The following DCDC1 variants were observed in gnomAD, a reference collection of about 807,000 sequenced individuals.
DCDC1 encodes the protein doublecortin domain-containing protein 1.
DCDC1 carries 200 observed loss-of-function variants against 178.3 expected under a neutral mutation model. That is an observed-to-expected ratio of 1.12 (90% confidence interval 1.00 to 1.26). The LOEUF (loss-of-function observed/expected upper bound fraction) is 1.26. Among genes scored for constraint, DCDC1 ranks in the 50% most tolerant of loss-of-function variants. The pLI is 0.00. For missense variants in DCDC1, 1,983 were observed against 1,749.2 expected, an observed-to-expected ratio of 1.13 and a Z score of -2.38; for synonymous variants, 690 against 604.8, an observed-to-expected ratio of 1.14 and a Z score of -2.07.
chr11:30,877,612 A>C (rs2133955514), intron 38 of DCDC1, among the ~76,000 whole-genome samples: 1 of 152,274 alleles, frequency 6.6e-6, no homozygotes, highest in Non-Finnish European at 1.5e-5. Flanking sequence ...ACTTTTGATC[A>C]CTGGGCACAT....
intron 9 of DCDC1, among the ~76,000 whole-genome samples, chr11:31,208,442 C>G (rs1345688094): frequency 6.6e-6 from 1 of 152,116 alleles, no homozygotes; most frequent in Non-Finnish European, 1.5e-5. Context: ...AGAGTTCATG[C>G]AAATCAACTT....
At position 31,065,055 on chromosome 11, in the gene DCDC1, T is replaced by G; in HGVS notation, c.2397A>C (p.Thr799=). 1.3e-6 allele frequency: 1 copy of G among 765,060 alleles called. No homozygotes were observed. 47.4% of individuals were successfully genotyped at this position (765,060 alleles called of 1,614,324 possible). A position where few individuals can be genotyped will look rare whatever the true frequency, so the allele number is the denominator to read the frequency against. The change falls in exon 19 of 39, where the codon ACA becomes ACC. Residue 799 remains threonine, a synonymous_variant. Coordinates refer to ENST00000684477, the MANE Select transcript of DCDC1 (RefSeq NM_001387274.1). ...EYHIHHGAWT[T]AHQEHGRNLA... ...AGTTTCTGCCATGTTCCTGATGAGC[T>G]GTGGTCCAGGCACCATGGTGAATGT...
intron 9 of DCDC1, among the ~76,000 whole-genome samples, chr11:31,195,312 C>A (rs953789282): frequency 6.6e-6 from 1 of 152,114 alleles, no homozygotes; most frequent in Non-Finnish European, 1.5e-5. Context: ...TGCCTTAAGT[C>A]TCTTCTAGAA....
chr11:31,180,628 A>C (rs1306733167), intron 9 of DCDC1, among the ~76,000 whole-genome samples: 1 of 152,128 alleles, frequency 6.6e-6, no homozygotes, highest in Non-Finnish European at 1.5e-5. Context: ...AGCCAAGGGA[A>C]GCCTTGAGAG....
chr11:31,009,515 T>G (rs1005524918), intron 20 of DCDC1, among the ~76,000 whole-genome samples: 6 of 150,816 alleles, frequency 4.0e-5, no homozygotes, highest in African/African-American at 4.9e-5. Context: ...GGCTGAGAAA[T>G]CCCATGATCT....
chr11:31,347,034 T>C (rs1950853020), intron 1 of DCDC1, among the ~76,000 whole-genome samples: 2 of 152,362 alleles, frequency 1.3e-5, no homozygotes, highest in South Asian at 4.1e-4. Context: ...ACTTAAAATG[T>C]ACAGGAGAGT....
chr11:30,888,064 G>A (rs193084154), intron 36 of DCDC1, among the ~76,000 whole-genome samples: 1,339 of 74,020 alleles, frequency 0.018, 36 homozygotes, highest in African/African-American at 0.064. Flanking sequence ...GAAAGAAAGA[G>A]AGAGAGAGAG....
At chr11:31,249,163 AC>A (rs1316959845) in intron 8 of DCDC1, among the ~76,000 whole-genome samples, 1 of 152,174 alleles carries the variant, frequency 6.6e-6, no homozygotes, top group East Asian at 1.9e-4. Context: ...GTGTACCCCA[AC>A]AAAAACTAGG....
intron 10 of DCDC1, among the ~76,000 whole-genome samples, chr11:31,133,481 T>C (rs939196704): frequency 6.6e-6 from 1 of 152,198 alleles, no homozygotes; most frequent in Non-Finnish European, 1.5e-5. Context: ...AAATCTCTTC[T>C]TGGTTTCAGG....
intron 8 of DCDC1, among the ~76,000 whole-genome samples, chr11:31,260,261 T>A (rs1944693433): frequency 1.3e-5 from 2 of 152,244 alleles, no homozygotes; most frequent in Admixed American, 6.5e-5. Flanking sequence ...AATAATTTGA[T>A]CTTGAAATTT....
At chr11:30,984,336 C>A (rs995579124) in intron 20 of DCDC1, among the ~76,000 whole-genome samples, 12 of 152,160 alleles carry the variant, frequency 7.9e-5, no homozygotes, top group African/African-American at 2.9e-4. Context: ...ATATTTCACA[C>A]ACAAGAAATC....
intron 9 of DCDC1, among the ~76,000 whole-genome samples, chr11:31,158,825 T>C (rs1966010524): frequency 6.6e-6 from 1 of 152,178 alleles, no homozygotes; most frequent in South Asian, 2.1e-4. Flanking sequence ...TTGTAGTGAG[T>C]GTTCTGCTTA....
intron 1 of DCDC1, among the ~76,000 whole-genome samples, chr11:31,367,783 A>G (rs930747093): frequency 2.6e-5 from 4 of 152,198 alleles, no homozygotes; most frequent in African/African-American, 4.8e-5. Context: ...TTATATTTCT[A>G]TTGGAAAGTA....
chr11:31,211,150 T>A (rs1477039329), intron 9 of DCDC1, among the ~76,000 whole-genome samples: 3 of 152,212 alleles, frequency 2.0e-5, no homozygotes, highest in African/African-American at 7.2e-5. Context: ...TATTCAAGAC[T>A]CCATCTTTAG....
At chr11:31,166,904 C>T (rs531825152) in intron 9 of DCDC1, among the ~76,000 whole-genome samples, 3 of 152,188 alleles carry the variant, frequency 2.0e-5, no homozygotes. Context: ...AGTAGTTGTT[C>T]TTGAACCACG....
chr11:31,015,580 A>T (rs1007690239), intron 20 of DCDC1, among the ~76,000 whole-genome samples: 12 of 152,172 alleles, frequency 7.9e-5, no homozygotes, highest in Admixed American at 1.3e-4. Context: ...TTATCTTCTG[A>T]AATTTAAAAG....
chr11:30,999,277 C>T (rs186440849), intron 20 of DCDC1, among the ~76,000 whole-genome samples: 98 of 152,212 alleles, frequency 6.4e-4, no homozygotes, highest in African/African-American at 2.2e-3. Context: ...TGTACCAACT[C>T]TGATTTATTA....
intron 7 of DCDC1, among the ~76,000 whole-genome samples, chr11:31,287,572 T>A (rs1215809210): frequency 2.0e-5 from 3 of 152,008 alleles, no homozygotes; most frequent in African/African-American, 7.2e-5. Context: ...GTTTTCATCC[T>A]TTGTGTCACC....
chr11:31,025,501 G>A (rs1182803479), intron 20 of DCDC1, among the ~76,000 whole-genome samples: 1 of 151,730 alleles, frequency 6.6e-6, no homozygotes, highest in Non-Finnish European at 1.5e-5. Flanking sequence ...GAGCACAGAG[G>A]AGTAAAATTC....
Sources: allele counts gnomAD v4.1 joint callset (sites outside exome capture counted in the v4.1 genomes callset), GRCh38; gene constraint gnomAD v4.1.1; transcripts MANE v1.5; gene names NCBI Gene and HGNC (gene_info 2026-07-23, HGNC 2026-07-21).